Variants in SPOCK3 observed in about 807,000 individuals in gnomAD.
SPOCK3 encodes the protein testican-3.
In SPOCK3, 30 loss-of-function variants were observed where a neutral mutation model predicts 56.6. The observed-to-expected ratio is 0.53, with a 90% CI of 0.40 to 0.72. The LOEUF (loss-of-function observed/expected upper bound fraction) is 0.72, where lower values mean the gene tolerates loss of function less well. SPOCK3 is among the 30% of genes least tolerant of loss of function. The pLI is 0.00. For missense variants in SPOCK3, 527 were observed against 530.0 expected, an observed-to-expected ratio of 0.99 and a Z score of 0.06; for synonymous variants, 196 against 183.3, an observed-to-expected ratio of 1.07 and a Z score of -0.56.
chr4:166,850,847 C>T (rs1729932488), intron 6 of SPOCK3, among the ~76,000 whole-genome samples: 1 of 152,244 alleles, frequency 6.6e-6, no homozygotes, highest in Non-Finnish European at 1.5e-5. Context: ...ATTGCTAGCA[C>T]AGCAGTCTGA....
intron 2 of SPOCK3, among the ~76,000 whole-genome samples, chr4:167,196,772 C>T (rs1732995512): frequency 6.6e-6 from 1 of 152,046 alleles, no homozygotes; most frequent in South Asian, 2.1e-4. Context: ...ACTCTTGACT[C>T]CTAGGAGCCA....
chr4:166,870,167 T>A (rs1732307876), intron 6 of SPOCK3, among the ~76,000 whole-genome samples: 1 of 152,032 alleles, frequency 6.6e-6, no homozygotes, highest in Non-Finnish European at 1.5e-5. Flanking sequence ...CAGTATCCCA[T>A]TTCAGGGATG....
chr4:166,876,177 A>T (rs1733059345), intron 6 of SPOCK3, among the ~76,000 whole-genome samples: 1 of 152,222 alleles, frequency 6.6e-6, no homozygotes, highest in African/African-American at 2.4e-5. Context: ...AGCCTAATTC[A>T]ATAACTCCAC....
At chr4:167,134,267 A>T (rs1040591098) in intron 2 of SPOCK3, among the ~76,000 whole-genome samples, 3 of 151,802 alleles carry the variant, frequency 2.0e-5, no homozygotes, top group Non-Finnish European at 4.4e-5. Context: ...TCCTGACTAC[A>T]GGCGATCTGC....
At chr4:166,815,087 A>G (rs1487722536) in intron 6 of SPOCK3, among the ~76,000 whole-genome samples, 1 of 152,060 alleles carries the variant, frequency 6.6e-6, no homozygotes, top group Non-Finnish European at 1.5e-5. Context: ...TCCCTTGTGT[A>G]TGCATATTCA....
Position 166,843,574 on chromosome 4 carries a change from T to C in SPOCK3, c.589+45556A>G, listed in dbSNP as rs1258885178. ...CATGAATCTTGTAGTTTCAAGGAAA[T>C]AAATTCTGCCAACCATCTGGGAGCT... is the stretch of plus-strand genomic sequence containing the variant. On this transcript the variant is annotated intron_variant, in intron 6 of 10. Transcript: ENST00000357545. Among the ~76,000 whole-genome samples the C allele has an allele frequency of 2.0e-5, 3 of 152,070 alleles. No homozygotes were observed. The East Asian group carries it at 5.8e-4, about 29-fold the overall frequency.
intron 2 of SPOCK3, among the ~76,000 whole-genome samples, chr4:167,080,851 T>C (rs191593048): frequency 3.3e-5 from 5 of 151,614 alleles, no homozygotes; most frequent in Admixed American, 2.6e-4. Flanking sequence ...CTTATCTTGA[T>C]GATTCTGTCC....
At chr4:167,099,041 C>A (rs1441651531) in intron 2 of SPOCK3, among the ~76,000 whole-genome samples, 1 of 151,926 alleles carries the variant, frequency 6.6e-6, no homozygotes, top group Non-Finnish European at 1.5e-5. Flanking sequence ...TGCTCCAGGG[C>A]ACCAAGTACA....
At chr4:166,958,239 T>C (rs916475773) in intron 4 of SPOCK3, among the ~76,000 whole-genome samples, 1 of 152,176 alleles carries the variant, frequency 6.6e-6, no homozygotes, top group East Asian at 1.9e-4. Flanking sequence ...TTTGCTCTCT[T>C]GATCCTGCTT....
intron 9 of SPOCK3, among the ~76,000 whole-genome samples, chr4:166,740,165 A>G (rs1001638253): frequency 6.6e-6 from 1 of 152,152 alleles, no homozygotes; most frequent in Non-Finnish European, 1.5e-5. Flanking sequence ...TGAATCTCCA[A>G]ATCAGGACAT....
chr4:167,129,569 C>CTT (rs146178967), intron 2 of SPOCK3, among the ~76,000 whole-genome samples: 1 of 151,008 alleles, frequency 6.6e-6, no homozygotes, highest in Non-Finnish European at 1.5e-5. Context: ...CTGTTTCTTT[C>CTT]TTTTTTTTTC....
chr4:166,939,264 T>G (rs1740790673), intron 4 of SPOCK3, among the ~76,000 whole-genome samples: 5 of 152,150 alleles, frequency 3.3e-5, no homozygotes, highest in Admixed American at 3.3e-4. Context: ...CAGTTAAGAG[T>G]TAATATCATA....
intron 8 of SPOCK3, among the ~76,000 whole-genome samples, chr4:166,744,343 G>C (rs1312388465): frequency 2.0e-5 from 3 of 152,206 alleles, no homozygotes; most frequent in Admixed American, 6.5e-5. Context: ...AGGCAAACAG[G>C]GTCTGGAGTG....
intron 6 of SPOCK3, among the ~76,000 whole-genome samples, chr4:166,797,115 A>G (rs182332599): frequency 6.6e-6 from 1 of 151,566 alleles, no homozygotes; most frequent in Non-Finnish European, 1.5e-5. Flanking sequence ...ACTCTTAATT[A>G]TTCAAGTACA....
At chr4:166,888,328 A>G (rs1560975118) in intron 6 of SPOCK3, among the ~76,000 whole-genome samples, 1 of 152,116 alleles carries the variant, frequency 6.6e-6, no homozygotes. Context: ...ATTAGATTAG[A>G]AGAGTTCAAT....
At chr4:167,055,964 C>T (rs893775070) in intron 3 of SPOCK3, among the ~76,000 whole-genome samples, 3 of 152,136 alleles carry the variant, frequency 2.0e-5, no homozygotes, top group South Asian at 2.1e-4. Context: ...TCTCCCAGCA[C>T]GAAGCTGGAG....
chr4:167,233,935 C>G (rs752317883), intron 2 of SPOCK3, 50 bp downstream of exon 2: 2 of 1,553,820 alleles, frequency 1.3e-6, no homozygotes, highest in Non-Finnish European at 1.8e-6. Flanking sequence ...CGGCCCCCGC[C>G]TCGGAGCAGC....
chr4:166,893,195 A>C (rs1322494225), intron 5 of SPOCK3, among the ~76,000 whole-genome samples: 1 of 152,162 alleles, frequency 6.6e-6, no homozygotes, highest in Non-Finnish European at 1.5e-5. Flanking sequence ...AAATGTCAAC[A>C]GTGCCTAGAC....
chr4:166,951,487 G>A (rs1450173362), intron 4 of SPOCK3, among the ~76,000 whole-genome samples: 7 of 141,822 alleles, frequency 4.9e-5, no homozygotes, highest in Admixed American at 4.1e-4. Flanking sequence ...ATTCACAGCC[G>A]AATTCTACCA....
Sources: allele counts gnomAD v4.1 joint callset (sites outside exome capture counted in the v4.1 genomes callset), GRCh38; gene constraint gnomAD v4.1.1; transcripts MANE v1.5; gene names NCBI Gene and HGNC (gene_info 2026-07-23, HGNC 2026-07-21).